BRAF: variants seen among roughly 807,000 people sequenced by gnomAD.
BRAF encodes the protein B-Raf proto-oncogene, serine/threonine kinase.
A neutral mutation model predicts 104.6 loss-of-function variants in BRAF; 16 were observed. The observed-to-expected ratio is 0.15, with a 90% CI of 0.10 to 0.23. The LOEUF is 0.23. BRAF is among the 10% of genes least tolerant of loss of function. The pLI is 1.00. For missense variants in BRAF, 541 were observed against 937.3 expected (o/e 0.58, Z 5.52); for synonymous variants, 310 against 341.6 (o/e 0.91, Z 1.02).
chr7:140,886,571 C>T (rs1376280654), intron 1 of BRAF, among the ~76,000 whole-genome samples: 1 of 152,164 alleles, frequency 6.6e-6, no homozygotes, highest in Admixed American at 6.5e-5. Context: ...ACATGCTATT[C>T]CTTCTTCCTG....
intron 16 of BRAF, among the ~76,000 whole-genome samples, chr7:140,751,092 G>C (rs1797748808): frequency 6.6e-6 from 1 of 152,126 alleles, no homozygotes; most frequent in Admixed American, 6.6e-5. Flanking sequence ...TAACAATAAA[G>C]GGTACTGTTG....
chr7:140,762,612 T>A (rs1185687719), intron 14 of BRAF, among the ~76,000 whole-genome samples: 1 of 129,866 alleles, frequency 7.7e-6, no homozygotes, highest in East Asian at 2.1e-4. Context: ...TGTTTTTTTT[T>A]TTTTTTTTTT....
intron 1 of BRAF, among the ~76,000 whole-genome samples, chr7:140,862,117 A>G (rs1447031912): frequency 6.6e-6 from 1 of 152,226 alleles, no homozygotes; most frequent in Non-Finnish European, 1.5e-5. Flanking sequence ...TCCTTATTCA[A>G]TAAACAAGAA....
intron 5 of BRAF, among the ~76,000 whole-genome samples, chr7:140,805,645 G>T (rs1803584092): frequency 6.6e-6 from 1 of 152,086 alleles, no homozygotes; most frequent in Admixed American, 6.6e-5. Flanking sequence ...TGTAAGGTGT[G>T]GGGCTGTGTG....
chr7:140,743,776 C>T (rs1797126611), intron 17 of BRAF, among the ~76,000 whole-genome samples: 1 of 151,882 alleles, frequency 6.6e-6, no homozygotes, highest in Non-Finnish European at 1.5e-5. Context: ...ATACATTGTC[C>T]CAGGGTGTAA....
rs552443038 is a variant in BRAF at position 140,916,905 on chromosome 7, G to T, written c.138+7661C>A. Among the ~76,000 whole-genome samples, 7 of 152,242 alleles carry T rather than the reference G, an allele frequency of 4.6e-5. No homozygotes were observed. In the East Asian group the frequency reaches 1.2e-3, roughly 25 times the overall value. On this transcript the variant is annotated intron_variant, in intron 1 of 19. Coordinates refer to ENST00000644969, the MANE Select transcript of BRAF (RefSeq NM_001374258.1). The stretch of plus-strand genomic sequence containing the variant: ...ACCTGATTTTAAATTTAACTATAAA[G>T]CTATCATAACTAAGGTAGTGGGGTA...
Position 140,800,363 on chromosome 7 carries a change from C to G in BRAF, c.979G>C (p.Gly327Arg), listed in dbSNP as rs1802963738. Residue 327 changes from glycine to arginine, a missense_variant and splice_region_variant, in exon 7 of 20, where the codon GGG (glycine) becomes CGG (arginine). By Grantham distance (125) the Gly-to-Arg change is moderately radical (BLOSUM62 -2). Coordinates refer to ENST00000644969, the MANE Select transcript of BRAF (RefSeq NM_001374258.1). ...CCAAGAGCAGAAGTCAAACCATACC[C>G]AATAGAGTCCGAGGCGGGTGCGGAA... ...SPSAPASDSI[G>R]PQILTSPSPS... The G allele has an allele frequency of 6.2e-7, 1 of 1,614,014 alleles. No homozygotes were observed. The highest frequency in any genetic ancestry group is 1.1e-5 in the South Asian group (1 of 91,078).
chr7:140,887,536 A>G (rs765182619), intron 1 of BRAF, among the ~76,000 whole-genome samples: 6 of 152,180 alleles, frequency 3.9e-5, no homozygotes, highest in Non-Finnish European at 5.9e-5. Context: ...CTTTTGGGTA[A>G]TATGGCTGCA....
intron 1 of BRAF, among the ~76,000 whole-genome samples, chr7:140,904,504 C>T (rs1816071639): frequency 6.6e-6 from 1 of 152,110 alleles, no homozygotes; most frequent in African/African-American, 2.4e-5. Flanking sequence ...GATTCTCTCA[C>T]TTTCAATGGT....
At chr7:140,825,050 AACCTCTGC>A (rs1280539056) in intron 3 of BRAF, among the ~76,000 whole-genome samples, 7 of 149,944 alleles carry the variant, frequency 4.7e-5, no homozygotes, top group African/African-American at 7.4e-5. Context: ...GGCTCACTGC[AACCTCTGC>A]CTCCCGAGCT....
At chr7:140,781,496 G>T in intron 12 of BRAF, 80 bp downstream of exon 11, 2 of 1,277,238 alleles carry the variant, frequency 1.6e-6, no homozygotes, top group South Asian at 1.2e-5. Context: ...TATTTCCTTT[G>T]ATGATATTTT....
At chr7:140,834,912 T>C (rs1266375545) in intron 2 of BRAF, 40 bp from the exon 3 acceptor site, 2 of 1,609,788 alleles carry the variant, frequency 1.2e-6, no homozygotes, top group South Asian at 1.1e-5. Flanking sequence ...CCGGACTTTG[T>C]CCTGACATTA....
chr7:140,849,667 G>A (rs1326980904), intron 2 of BRAF, among the ~76,000 whole-genome samples: 2 of 151,758 alleles, frequency 1.3e-5, no homozygotes, highest in Non-Finnish European at 2.9e-5. Flanking sequence ...AAAAAATTAG[G>A]TGGACGTGGT....
intron 1 of BRAF, among the ~76,000 whole-genome samples, chr7:140,890,007 T>C (rs1814037067): frequency 1.3e-5 from 2 of 152,248 alleles, no homozygotes; most frequent in East Asian, 1.9e-4. Flanking sequence ...CTTAGGGTTG[T>C]GGTGAAGACT....
rs1485479359 is a variant in BRAF at position 140,720,170 on chromosome 7, C to A, written c.*6324G>T. ...TTGTATGATCCTATCTTAGGAAAGGCAGCAATTGCCATGTTGAGGAAAGGA... is the reference window on the plus strand; with the variant it reads ...TTGTATGATCCTATCTTAGGAAAGGAAGCAATTGCCATGTTGAGGAAAGGA... On this transcript the variant is annotated 3_prime_UTR_variant, in exon 20 of 20. Transcript: ENST00000644969. 2 of 1,062,004 alleles carry A rather than the reference C, an allele frequency of 1.9e-6. No individual in the cohort carries two copies. The highest frequency in any genetic ancestry group is 3.3e-5 in the African/African-American group (2 of 60,888). 65.8% of individuals were successfully genotyped at this position (1,062,004 alleles called of 1,614,324 possible). A position where few individuals can be genotyped will look rare whatever the true frequency, so the allele number is the denominator to read the frequency against.
chr7:140,762,411 G>C (rs941315384), intron 14 of BRAF, among the ~76,000 whole-genome samples: 2 of 152,154 alleles, frequency 1.3e-5, no homozygotes, highest in African/African-American at 2.4e-5. Context: ...GACACTTATA[G>C]CACTAAATGC....
At chr7:140,786,327 A>C (rs1801352882) in intron 9 of BRAF, among the ~76,000 whole-genome samples, 1 of 152,198 alleles carries the variant, frequency 6.6e-6, no homozygotes, top group East Asian at 1.9e-4. Flanking sequence ...ACTCAATGTA[A>C]AATATTGTTG....
At chr7:140,778,769 A>C (rs2129020287) in intron 12 of BRAF, among the ~76,000 whole-genome samples, 1 of 152,204 alleles carries the variant, frequency 6.6e-6, no homozygotes, top group Non-Finnish European at 1.5e-5. Context: ...AAACAGCTGT[A>C]ACGTCAACAC....
chr7:140,884,663 T>G (rs1813355147), intron 1 of BRAF, among the ~76,000 whole-genome samples: 1 of 151,870 alleles, frequency 6.6e-6, no homozygotes, highest in Admixed American at 6.6e-5. Context: ...AATTTTTTTG[T>G]AGAGATAGGG....
Sources: allele counts gnomAD v4.1 joint callset (sites outside exome capture counted in the v4.1 genomes callset), GRCh38; gene constraint gnomAD v4.1.1; transcripts MANE v1.5; gene names NCBI Gene and HGNC (gene_info 2026-07-23, HGNC 2026-07-21).